The following BPI variants were observed in gnomAD, a reference collection of about 807,000 sequenced individuals.
The protein encoded by BPI is bactericidal permeability increasing protein, also known as bactericidal permeability-increasing protein.
In BPI, 48 loss-of-function variants were observed where a neutral mutation model predicts 57.6. The observed-to-expected ratio is 0.83, with a 90% CI of 0.66 to 1.06. The LOEUF is 1.06. Among genes scored for constraint, BPI ranks in the 50% least tolerant of loss-of-function variants. The pLI, the probability that BPI is intolerant of heterozygous loss-of-function variation, is 0.00. For synonymous variants in BPI, 237 were observed against 238.2 expected (o/e 0.99, Z 0.05); for missense variants, 651 against 609.7 (o/e 1.07, Z -0.71).
Position 38,311,808 on chromosome 20 carries a change from G to A in BPI, c.537-66G>A, listed in dbSNP as rs1301493204. The A allele has an allele frequency of 1.1e-5, 17 of 1,519,210 alleles. No individual in the cohort carries two copies. In the East Asian group the frequency reaches 2.7e-4, roughly 24 times the overall value. 94.1% of individuals were successfully genotyped at this position (1,519,210 alleles called of 1,614,324 possible). ...GGAAGAAAGCTTTTGAGATGAGGCA[G>A]CCTCCTGAATCCAGCCCAGGGACAA... On this transcript the variant is annotated intron_variant, in intron 4 of 14. Coordinates refer to ENST00000642449, the MANE Select transcript of BPI (RefSeq NM_001725.3).
At chr20:38,336,627 ATTC>A in intron 14 of BPI, among the ~76,000 whole-genome samples, 1 of 152,034 alleles carries the variant, frequency 6.6e-6, no homozygotes, top group East Asian at 1.9e-4. Context: ...TCAATCCTCA[ATTC>A]TTTAGACCAG....
chr20:38,334,158 T>G (rs2076755442), intron 12 of BPI, among the ~76,000 whole-genome samples: 1 of 152,248 alleles, frequency 6.6e-6, no homozygotes, highest in Non-Finnish European at 1.5e-5. Context: ...TCCTCATGAT[T>G]GTCGTGAGTT....
intron 1 of BPI, among the ~76,000 whole-genome samples, chr20:38,306,345 A>C (rs368549373): frequency 1.3e-5 from 2 of 152,300 alleles, no homozygotes; most frequent in African/African-American, 4.8e-5. Flanking sequence ...TCATCTAACA[A>C]ATCTTAAGTG....
chr20:38,329,713 AT>A (rs59192196), intron 11 of BPI, among the ~76,000 whole-genome samples: 19,895 of 151,686 alleles, frequency 0.13, 2,005 homozygotes, highest in East Asian at 0.52. Context: ...ACCCTGCTTT[AT>A]TTTATTTATT....
At chr20:38,321,335 C>T (rs2076684651) in intron 7 of BPI, among the ~76,000 whole-genome samples, 1 of 151,102 alleles carries the variant, frequency 6.6e-6, no homozygotes, top group African/African-American at 2.4e-5. Flanking sequence ...CATGCTGCTC[C>T]CTCCCTTACT....
intron 12 of BPI, among the ~76,000 whole-genome samples, chr20:38,332,964 G>A (rs149222276): frequency 9.1e-4 from 138 of 152,118 alleles, no homozygotes; most frequent in African/African-American, 3.2e-3. Flanking sequence ...GTGGGCTCTG[G>A]TTGAATCCCA....
intron 5 of BPI, among the ~76,000 whole-genome samples, chr20:38,316,014 G>T (rs2076650329): frequency 6.6e-6 from 1 of 151,614 alleles, no homozygotes; most frequent in African/African-American, 2.4e-5. Context: ...TGTATTTTTT[G>T]ATAGAGACAG....
At position 38,318,086 on chromosome 20, in the gene BPI, C is replaced by T. The variant is rs1308448753; in HGVS notation, c.601-327C>T. 6 of 939,952 alleles carry T rather than the reference C, an allele frequency of 6.4e-6. No homozygotes were observed. The Admixed American group carries it at 1.9e-4, about 30-fold the overall frequency. The allele number at this position is 939,952 out of a possible 1,614,324, so 58.2% of individuals were successfully genotyped here. The stretch of plus-strand genomic sequence containing the variant: ...AAGGATCTGAGACAGCAAAATCAAA[C>T]AGAAACAAAAGAAAAAACAAAACAA... On this transcript the variant is annotated intron_variant, in intron 5 of 14. Transcript: ENST00000642449.
rs1323713713 is a variant in BPI at position 38,307,698 on chromosome 20, C to T, written c.245+17C>T. ...CTTCTACAGGTGAGGCCTATCAGAG[C>T]TCAATCCTCGATTTGCAGGACTTGT... On this transcript the variant is annotated intron_variant, in intron 2 of 14. Transcript: ENST00000642449. 3 of 1,583,912 alleles carry T rather than the reference C, an allele frequency of 1.9e-6. No homozygotes were observed. Among genetic ancestry groups the T allele is most frequent in the East Asian group, 2.3e-5 (1 of 44,296 alleles).
rs1411768062 is a variant in BPI at position 38,304,243 on chromosome 20, A to G, written c.20A>G (p.Asn7Ser). Residue 7 changes from asparagine (N) to serine (S), a missense_variant, in exon 1 of 15, where the codon AAC becomes AGC. Coordinates refer to ENST00000642449, the MANE Select transcript of BPI (RefSeq NM_001725.3). ...GAGAACATGGCCAGGGGCCCTTGCAACGCGCCGAGATGGGCGTCCCTGATG... is the reference window on the plus strand; with the variant it reads ...GAGAACATGGCCAGGGGCCCTTGCAGCGCGCCGAGATGGGCGTCCCTGATG... MARGPC[N>S]APRWASLMVL... 1.2e-6 allele frequency: 2 copies of G among 1,613,970 alleles called. No homozygotes were observed. The highest frequency in any genetic ancestry group is 1.3e-5 in the African/African-American group (1 of 74,886).
chr20:38,304,632 T>C (rs2076588485), intron 1 of BPI, among the ~76,000 whole-genome samples: 1 of 152,166 alleles, frequency 6.6e-6, no homozygotes, highest in Admixed American at 6.5e-5. Flanking sequence ...TCCCTCTATG[T>C]AACCTCCACC....
chr20:38,311,807 A>G (rs1600699854), intron 4 of BPI, 67 bp from the exon 5 acceptor site: 1 of 1,513,622 alleles, frequency 6.6e-7, no homozygotes, highest in Non-Finnish European at 9.2e-7. Flanking sequence ...GAGATGAGGC[A>G]GCCTCCTGAA....
At position 38,309,056 on chromosome 20, in the gene BPI, C is replaced by T. The variant is rs747988156; in HGVS notation, c.372C>T (p.Phe124=). Residue 124 remains phenylalanine (F), a splice_region_variant and synonymous_variant, in exon 3 of 15, where the codon TTC becomes TTT. Coordinates refer to ENST00000642449, the MANE Select transcript of BPI (RefSeq NM_001725.3). ...GGAAATGGAAGGCACAAAAGAGATT[C>T]TTGTGCGTTTCCATGCTTGCGGTTT... ...ISGKWKAQKR[F]LKMSGNFDLS... is the part of the protein sequence containing the mutation. 1 of 1,614,006 alleles carries T rather than the reference C, an allele frequency of 6.2e-7. No homozygotes were observed. The highest frequency in any genetic ancestry group is 1.3e-5 in the African/African-American group (1 of 74,932).
rs370476426 is a variant in BPI, at chr20:38,310,703, T to C, written c.536+51T>C. On this transcript the variant is annotated intron_variant, in intron 4 of 14. Coordinates refer to ENST00000642449, the MANE Select transcript of BPI (RefSeq NM_001725.3). The stretch of plus-strand genomic sequence containing the variant: ...GGAGGAGGGACTTAAAGAAGAACTC[T>C]CCCAATCATCCCTGTATTCCGAAAA... The C allele has an allele frequency of 3.8e-6, 6 of 1,578,220 alleles. No individual in the cohort carries two copies. In the African/African-American group the frequency reaches 6.7e-5, roughly 18 times the overall value.
chr20:38,324,822 T>G lies in BPI; in HGVS notation c.982T>G (p.Phe328Val). Residue 328 changes from phenylalanine to valine, a missense_variant, in exon 9 of 15, where the codon TTC becomes GTC. Phe to Val is a conservative substitution (Grantham distance 50). Transcript: ENST00000642449. ...ACTGACAACCAAGTTCTTTGGAACC[T>G]TCCTACCTGAGGTATGGAAGACCTT... ...FRLTTKFFGTFLPEVAKKFPN... is the reference protein window; with the variant it reads ...FRLTTKFFGTVLPEVAKKFPN... 1 of 1,612,714 alleles carries G rather than the reference T, an allele frequency of 6.2e-7. No homozygotes were observed.
In BPI at chr20:38,310,545, T is replaced by A; in HGVS notation, c.429T>A (p.Asp143Glu). ...TAGAAGGCATGTCCATTTCGGCTGA[T>A]CTGAAGCTGGGCAGTAACCCCACGT... ...LSIEGMSISA[D>E]LKLGSNPTSG... Residue 143 changes from aspartate to glutamate, a missense_variant, in exon 4 of 15, where the codon GAT becomes GAA. Asp to Glu is a conservative substitution (Grantham distance 45). Coordinates refer to ENST00000642449, the MANE Select transcript of BPI (RefSeq NM_001725.3). The A allele has an allele frequency of 6.2e-7, 1 of 1,614,186 alleles. No homozygotes were observed. Among genetic ancestry groups the A allele is most frequent in the South Asian group, 1.1e-5 (1 of 91,066 alleles).
intron 5 of BPI, chr20:38,317,624 T>C: frequency 4.2e-6 from 3 of 720,580 alleles, no homozygotes; most frequent in Non-Finnish European, 7.7e-6. Context: ...TGTTGTGTTC[T>C]GTTGCTTAGA....
chr20:38,310,535 T>C lies in BPI; in HGVS notation c.419T>C (p.Ile140Thr). 1 of 1,614,132 alleles carries C rather than the reference T, an allele frequency of 6.2e-7. No homozygotes were observed. The stretch of plus-strand genomic sequence containing the variant: ...GACCTGAGCATAGAAGGCATGTCCA[T>C]TTCGGCTGATCTGAAGCTGGGCAGT... The part of the protein sequence containing the change: ...NFDLSIEGMS[I>T]SADLKLGSNP... Residue 140 changes from isoleucine to threonine, a missense_variant, in exon 4 of 15, where the codon ATT becomes ACT. Transcript: ENST00000642449.
chr20:38,306,607 T>C (rs1253405518), intron 1 of BPI, among the ~76,000 whole-genome samples: 1 of 152,126 alleles, frequency 6.6e-6, no homozygotes, highest in Non-Finnish European at 1.5e-5. Context: ...ATGAGCTGAC[T>C]AGAAGCTGAC....
Sources: gnomAD v4.1 joint callset for allele counts (sites outside exome capture counted in the v4.1 genomes callset) on GRCh38, gnomAD v4.1.1 for gene constraint, MANE v1.5 for transcripts, NCBI Gene and HGNC (gene_info 2026-07-23, HGNC 2026-07-21) for gene names.